The following ARHGAP35 variants were observed in gnomAD, a reference collection of about 807,000 sequenced individuals.
ARHGAP35 encodes rho GTPase-activating protein 35.
In ARHGAP35, 15 loss-of-function variants were observed where a neutral mutation model predicts 111.1. The observed-to-expected ratio is 0.13, with a 90% CI of 0.09 to 0.21. The LOEUF is 0.21. ARHGAP35 is among the 10% of genes least tolerant of loss of function. The probability of loss-of-function intolerance (pLI) is 1.00; values close to 1 mark genes in which losing one functional copy is unlikely to be tolerated. For synonymous variants in ARHGAP35, 643 were observed against 710.3 expected (o/e 0.91, Z 1.51); for missense variants, 1,262 against 1,873.0 (o/e 0.67, Z 6.02).
intron 1 of ARHGAP35, among the ~76,000 whole-genome samples, chr19:46,886,185 G>A (rs1368816475): frequency 6.6e-6 from 1 of 152,098 alleles, no homozygotes; most frequent in Non-Finnish European, 1.5e-5. Flanking sequence ...CTGTTTCCAA[G>A]GTTGAATTAG....
At chr19:46,934,508 C>T (rs935498545) in intron 2 of ARHGAP35, among the ~76,000 whole-genome samples, 9 of 151,904 alleles carry the variant, frequency 5.9e-5, no homozygotes, top group Non-Finnish European at 1.2e-4. Flanking sequence ...GCTGGGATTA[C>T]AGGCACTTGC....
intron 1 of ARHGAP35, among the ~76,000 whole-genome samples, chr19:46,890,334 CT>C (rs1395987870): frequency 3.3e-5 from 5 of 152,252 alleles, no homozygotes; most frequent in South Asian, 2.1e-4. Context: ...GTAAAAATGT[CT>C]TTCTATTTGA....
intron 2 of ARHGAP35, among the ~76,000 whole-genome samples, chr19:46,931,115 A>G (rs946185879): frequency 6.6e-6 from 1 of 152,130 alleles, no homozygotes; most frequent in Non-Finnish European, 1.5e-5. Flanking sequence ...TCTGAGCCTC[A>G]CCTCCTCACA....
At chr19:46,982,370 G>C (rs1028560310) in intron 3 of ARHGAP35, among the ~76,000 whole-genome samples, 1 of 152,024 alleles carries the variant, frequency 6.6e-6, no homozygotes, top group South Asian at 2.1e-4. Flanking sequence ...CCAGCTACTC[G>C]GGAGGCTGAG....
chr19:46,965,820 A>G (rs2056512233), intron 3 of ARHGAP35, among the ~76,000 whole-genome samples: 2 of 152,138 alleles, frequency 1.3e-5, no homozygotes, highest in South Asian at 2.1e-4. Context: ...TTTCATTCCC[A>G]TAATTGCTGT....
rs140359043 is a variant in ARHGAP35, at chr19:46,976,779, G to C, written c.3827-11210G>C. Reference sequence around the variant, plus strand: ...CCACTCTCGGCTGCAGGACCTTCTCGGGCCCTTGGTGGAGCTGGCCTGACT... The same window carrying C: ...CCACTCTCGGCTGCAGGACCTTCTCCGGCCCTTGGTGGAGCTGGCCTGACT... On this transcript the variant is annotated intron_variant, in intron 3 of 6. Transcript: ENST00000672722. Among the ~76,000 whole-genome samples the C allele has an allele frequency of 4.4e-3, 663 of 152,278 alleles. 5 individuals carry two copies. Among genetic ancestry groups the C allele is most frequent in the African/African-American group, 0.015 (612 of 41,552 alleles).
At chr19:46,949,994 A>G (rs1005583630) in intron 3 of ARHGAP35, among the ~76,000 whole-genome samples, 2 of 151,984 alleles carry the variant, frequency 1.3e-5, no homozygotes, top group Admixed American at 1.3e-4. Flanking sequence ...AGAAAAGCAC[A>G]CCCATCTGGG....
Position 46,898,775 on chromosome 19 carries a change from A to AGCTGCTGCTGCTGCT in ARHGAP35, c.-188-19690_-188-19676dup, listed in dbSNP as rs112008743. 9.7e-4 allele frequency among the ~76,000 whole-genome samples: 146 copies of AGCTGCTGCTGCTGCT among 150,910 alleles called. 1 individual carries two copies. The highest frequency in any genetic ancestry group is 3.3e-3 in the African/African-American group (134 of 41,064). ...ACCCAGGAGCCTCCATGCACAGATG[A>AGCTGCTGCTGCTGCT]GCTGCTGCTGCTGCTGCTGCTGCTG... is the stretch of plus-strand genomic sequence containing the variant. On this transcript the variant is annotated intron_variant, in intron 1 of 6. Coordinates refer to ENST00000672722, the MANE Select transcript of ARHGAP35 (RefSeq NM_004491.5).
chr19:46,943,097 A>G (rs1016779949), intron 3 of ARHGAP35, among the ~76,000 whole-genome samples: 1 of 151,584 alleles, frequency 6.6e-6, no homozygotes, highest in Non-Finnish European at 1.5e-5. Context: ...CTGGAGTACA[A>G]TGGTGCAGTC....
chr19:46,960,545 C>T (rs1211652940), intron 3 of ARHGAP35, among the ~76,000 whole-genome samples: 1 of 152,096 alleles, frequency 6.6e-6, no homozygotes, highest in Admixed American at 6.6e-5. Flanking sequence ...AGGGCTTTTA[C>T]TGTTTATTCC....
chr19:46,924,101 C>G lies in ARHGAP35; in HGVS notation c.3681+1745C>G, dbSNP rs116255775. ...TTAAAGCTTTTGCTACTCTCCCTCC[C>G]ATGAAAGAACAGAGAACAGAGTTAC... On this transcript the variant is annotated intron_variant, in intron 2 of 6. Coordinates refer to ENST00000672722, the MANE Select transcript of ARHGAP35 (RefSeq NM_004491.5). 7.9e-3 allele frequency among the ~76,000 whole-genome samples: 1,198 copies of G among 152,212 alleles called. 8 individuals are homozygous for G. The highest frequency in any genetic ancestry group is 0.027 in the African/African-American group (1,122 of 41,504).
intron 3 of ARHGAP35, among the ~76,000 whole-genome samples, chr19:46,966,699 T>C (rs1378947813): frequency 6.6e-6 from 1 of 152,042 alleles, no homozygotes; most frequent in African/African-American, 2.4e-5. Flanking sequence ...TGGGATGGAG[T>C]GAGTGTAATA....
chr19:46,894,645 C>CAG (rs2056044302), intron 1 of ARHGAP35, among the ~76,000 whole-genome samples: 1 of 151,994 alleles, frequency 6.6e-6, no homozygotes, highest in Non-Finnish European at 1.5e-5. Flanking sequence ...GGGATTTCAC[C>CAG]ATGTTGACCA....
chr19:46,975,193 C>T (rs563385397), intron 3 of ARHGAP35, among the ~76,000 whole-genome samples: 2 of 152,216 alleles, frequency 1.3e-5, no homozygotes, highest in East Asian at 3.9e-4. Context: ...TAATGAGTAA[C>T]AAAAGATACT....
Position 46,872,289 on chromosome 19 carries a change from G to A in ARHGAP35, c.-189+11080G>A, listed in dbSNP as rs528585688. ...TTTTAAAATATATATGTGAAAAAGT[G>A]GAAGAAATATGCTGAAGTGTTATTA... On this transcript the variant is annotated intron_variant, in intron 1 of 6. Coordinates refer to ENST00000672722, the MANE Select transcript of ARHGAP35 (RefSeq NM_004491.5). Among the ~76,000 whole-genome samples the A allele has an allele frequency of 1.0e-3, 159 of 152,108 alleles. 4 individuals are homozygous for A. In the Middle Eastern group the frequency reaches 0.031, roughly 29 times the overall value.
intron 1 of ARHGAP35, among the ~76,000 whole-genome samples, chr19:46,916,105 G>C (rs1233358784): frequency 2.0e-5 from 3 of 151,804 alleles, no homozygotes; most frequent in Admixed American, 2.0e-4. Flanking sequence ...CAGCTAATTT[G>C]TTGTACTTTC....
At position 46,989,684 on chromosome 19, in the gene ARHGAP35, C is replaced by G; in HGVS notation, c.4036+9C>G. On this transcript the variant is annotated intron_variant, in intron 5 of 6. Transcript: ENST00000672722. The surrounding 1 kb of genome is among the most constrained non-coding windows in gnomAD (Gnocchi z 5.3). ...CTTGGTGGAAGCACACAGTGAGTAC[C>G]GGCAGCCCAGTGTTGGGCGGATTGA... is the stretch of plus-strand genomic sequence containing the variant. The G allele has an allele frequency of 6.2e-7, 1 of 1,613,664 alleles. No individual in the cohort carries two copies. The highest frequency in any genetic ancestry group is 8.5e-7 in the Non-Finnish European group (1 of 1,179,756).
intron 1 of ARHGAP35, among the ~76,000 whole-genome samples, chr19:46,900,279 T>C (rs1037229391): frequency 6.7e-6 from 1 of 148,202 alleles, no homozygotes; most frequent in African/African-American, 2.5e-5. Context: ...TGGAGTGCAG[T>C]GGTGCAATCT....
chr19:46,866,449 C>T (rs1203014561), intron 1 of ARHGAP35, among the ~76,000 whole-genome samples: 3 of 152,188 alleles, frequency 2.0e-5, no homozygotes, highest in South Asian at 4.1e-4. Flanking sequence ...AGTGACCTGG[C>T]TTCTGATCTA....
Sources: gnomAD v4.1 joint callset for allele counts (sites outside exome capture counted in the v4.1 genomes callset) on GRCh38, gnomAD v4.1.1 for gene constraint, Gnocchi (gnomAD v3.1) non-coding constraint, MANE v1.5 for transcripts, NCBI Gene and HGNC (gene_info 2026-07-23, HGNC 2026-07-21) for gene names.